The following SENP7 variants were observed in gnomAD, a reference collection of about 807,000 sequenced individuals.
SENP7 encodes the protein sentrin-specific protease 7.
In SENP7, 64 loss-of-function variants were observed where a neutral mutation model predicts 141.2. The observed-to-expected ratio is 0.45, with a 90% CI of 0.37 to 0.56. The LOEUF is 0.56. Among genes scored for constraint, SENP7 ranks in the 20% least tolerant of loss-of-function variants. The pLI is 0.00. For synonymous variants in SENP7, 382 were observed against 426.4 expected, an observed-to-expected ratio of 0.90 and a Z score of 1.28; for missense variants, 1,025 against 1,212.2, an observed-to-expected ratio of 0.85 and a Z score of 2.29.
chr3:101,422,915 T>C (rs2061834056), intron 4 of SENP7, among the ~76,000 whole-genome samples: 1 of 152,170 alleles, frequency 6.6e-6, no homozygotes, highest in South Asian at 2.1e-4. Context: ...AAGTAGTTTA[T>C]CAATGAATAC....
At chr3:101,424,945 A>G (rs2061909648) in intron 4 of SENP7, among the ~76,000 whole-genome samples, 1 of 152,166 alleles carries the variant, frequency 6.6e-6, no homozygotes, top group Admixed American at 6.5e-5. Flanking sequence ...ATGGAAGTGA[A>G]TACGCCTCAT....
intron 3 of SENP7, among the ~76,000 whole-genome samples, chr3:101,479,893 A>C (rs1408784260): frequency 9.3e-5 from 3 of 32,150 alleles, no homozygotes; most frequent in African/African-American, 2.5e-4. Flanking sequence ...CAACAGCTAC[A>C]AAAAAAAAAA....
intron 4 of SENP7, chr3:101,458,717 A>C (rs1276894576): frequency 8.9e-6 from 3 of 335,894 alleles, no homozygotes; most frequent in African/African-American, 6.4e-5. Context: ...CAGTCTATGT[A>C]TAACTCTTGC....
At chr3:101,500,068 G>A (rs907131499) in intron 2 of SENP7, among the ~76,000 whole-genome samples, 3 of 152,138 alleles carry the variant, frequency 2.0e-5, no homozygotes, top group Admixed American at 2.0e-4. Context: ...AGGTACTCTT[G>A]ATTTCCTCTC....
intron 13 of SENP7, 145 bp downstream of exon 13, chr3:101,347,721 CAAAAAA>C (rs11389959): frequency 1.8e-5 from 5 of 275,160 alleles, no homozygotes; most frequent in South Asian, 7.7e-5. Flanking sequence ...GACTCCATCT[CAAAAAA>C]AAAAAAAAAA....
intron 7 of SENP7, among the ~76,000 whole-genome samples, chr3:101,370,569 T>C (rs2060151648): frequency 6.6e-6 from 1 of 152,214 alleles, no homozygotes; most frequent in Admixed American, 6.5e-5. Context: ...GTTATGTAGT[T>C]GTTATATGTA....
At chr3:101,498,864 C>A (rs1275460479) in intron 2 of SENP7, among the ~76,000 whole-genome samples, 2 of 152,128 alleles carry the variant, frequency 1.3e-5, no homozygotes, top group Non-Finnish European at 2.9e-5. Context: ...AGGTTGCATG[C>A]TCCTCATGAG....
At chr3:101,410,414 A>G (rs572466639) in intron 5 of SENP7, among the ~76,000 whole-genome samples, 2 of 152,324 alleles carry the variant, frequency 1.3e-5, no homozygotes, top group African/African-American at 4.8e-5. Context: ...TGATCCAGCA[A>G]TCCCACTCCT....
At position 101,486,878 on chromosome 3, in the gene SENP7, T is replaced by C. The variant is rs753935651; in HGVS notation, c.186+6995A>G. Among the ~76,000 whole-genome samples, 36 of 152,154 alleles carry C rather than the reference T, an allele frequency of 2.4e-4. 1 individual carries two copies. The highest frequency in any genetic ancestry group is 5.0e-4 in the Non-Finnish European group (34 of 68,018). Reference sequence around the variant, plus strand: ...ATCTGCTGCCTTCAGAAAACTCACCTAGCACATAAGGAATCACATAAACTT... The same window carrying C: ...ATCTGCTGCCTTCAGAAAACTCACCCAGCACATAAGGAATCACATAAACTT... On this transcript the variant is annotated intron_variant, in intron 3 of 23. Coordinates refer to ENST00000394095, the MANE Select transcript of SENP7 (RefSeq NM_020654.5).
At chr3:101,470,284 C>A (rs1576452193) in intron 3 of SENP7, among the ~76,000 whole-genome samples, 2 of 152,264 alleles carry the variant, frequency 1.3e-5, no homozygotes, top group South Asian at 4.1e-4. Context: ...AATCCAGCAG[C>A]ACATCAAAAA....
At chr3:101,373,319 T>C (rs78184022) in intron 6 of SENP7, among the ~76,000 whole-genome samples, 205 of 152,274 alleles carry the variant, frequency 1.3e-3, no homozygotes, top group African/African-American at 4.8e-3. Context: ...AGAATCATTC[T>C]TGAAGAATAA....
At chr3:101,417,090 A>T (rs1039792816) in intron 5 of SENP7, among the ~76,000 whole-genome samples, 1 of 152,134 alleles carries the variant, frequency 6.6e-6, no homozygotes, top group Non-Finnish European at 1.5e-5. Context: ...ACTATTAAAA[A>T]CCTAGAGGCA....
intron 17 of SENP7, chr3:101,337,201 AATCAT>A (rs529030337): frequency 2.2e-4 from 38 of 173,340 alleles, no homozygotes; most frequent in Middle Eastern, 2.6e-3. Flanking sequence ...CCACTGTCAG[AATCAT>A]TTCCCAATGC....
chr3:101,431,052 T>C (rs2062146895), intron 4 of SENP7, among the ~76,000 whole-genome samples: 1 of 152,204 alleles, frequency 6.6e-6, no homozygotes, highest in Admixed American at 6.5e-5. Flanking sequence ...AGACAGTTTG[T>C]TGTGATTTCT....
At chr3:101,365,452 A>G (rs1156574016) in intron 9 of SENP7, among the ~76,000 whole-genome samples, 5 of 149,526 alleles carry the variant, frequency 3.3e-5, no homozygotes, top group Admixed American at 1.3e-4. Flanking sequence ...CCAGGCCAAC[A>G]TGGTGAAACC....
chr3:101,432,144 A>G (rs1368917741), intron 4 of SENP7, among the ~76,000 whole-genome samples: 2 of 152,154 alleles, frequency 1.3e-5, no homozygotes, highest in Non-Finnish European at 2.9e-5. Flanking sequence ...AATTGTAGGT[A>G]GTCTGGCCAT....
chr3:101,377,395 T>C (rs1387040958), intron 6 of SENP7, among the ~76,000 whole-genome samples: 1 of 152,072 alleles, frequency 6.6e-6, no homozygotes, highest in African/African-American at 2.4e-5. Context: ...TAACTACTAT[T>C]GGAGTATGAA....
At position 101,343,172 on chromosome 3, in the gene SENP7, T is replaced by C. The variant is rs962801346; in HGVS notation, c.2106+514A>G. 2.0e-5 allele frequency among the ~76,000 whole-genome samples: 3 copies of C among 152,244 alleles called. No individual in the cohort carries two copies. In the East Asian group the frequency reaches 5.8e-4, roughly 29 times the overall value. ...CATTTTGATAACTTGGTTAAAGTGA[T>C]GTCTACAAGGTTTCTCCACTGCAAA... On this transcript the variant is annotated intron_variant, in intron 14 of 23. Coordinates refer to ENST00000394095, the MANE Select transcript of SENP7 (RefSeq NM_020654.5).
intron 6 of SENP7, among the ~76,000 whole-genome samples, chr3:101,387,686 A>C (rs1173920181): frequency 6.6e-6 from 1 of 152,202 alleles, no homozygotes; most frequent in Non-Finnish European, 1.5e-5. Context: ...AGGGAGCATG[A>C]GGACAGGTAC....
Sources: gnomAD v4.1 joint callset for allele counts (sites outside exome capture counted in the v4.1 genomes callset) on GRCh38, gnomAD v4.1.1 for gene constraint, MANE v1.5 for transcripts, NCBI Gene and HGNC (gene_info 2026-07-23, HGNC 2026-07-21) for gene names.